Variants in SPANXN4 observed in about 807,000 individuals in gnomAD.
SPANXN4 encodes sperm protein associated with the nucleus on the X chromosome N4.
SPANXN4 carries 5 observed loss-of-function variants against 6.0 expected under a neutral mutation model. That is an observed-to-expected ratio of 0.83 (90% confidence interval 0.44 to 1.75). The LOEUF is 1.75. Ranked by LOEUF, SPANXN4 falls within the 40% of genes most tolerant of loss-of-function variation. SPANXN4 has a pLI of 0.02. For missense variants in SPANXN4, 157 were observed against 108.6 expected, an observed-to-expected ratio of 1.45 and a Z score of -1.98; for synonymous variants, 45 against 38.0, an observed-to-expected ratio of 1.19 and a Z score of -0.68.
intron 1 of SPANXN4, among the ~76,000 whole-genome samples, chrX:143,031,163 C>G (rs1932807477): frequency 9.0e-6 from 1 of 110,555 alleles, no homozygotes; most frequent in Non-Finnish European, 1.9e-5. Flanking sequence ...AGGGGTAGGG[C>G]ACTGAGGGAT....
chrX:143,035,324 T>C (rs1052665595), downstream of SPANXN4, among the ~76,000 whole-genome samples: 1 of 110,648 alleles, frequency 9.0e-6, no homozygotes, highest in African/African-American at 3.3e-5. Flanking sequence ...TGTATGAGTG[T>C]CAATACATGT....
At chrX:143,034,385 G>A (rs769925581) in intron 2 of SPANXN4, 74 bp downstream of exon 2, 6 of 1,048,879 alleles carry the variant, frequency 5.7e-6, no homozygotes, top group East Asian at 6.7e-5. Context: ...ATTTGAGAAC[G>A]GAGGGATATG....
At chrX:143,035,623 T>C (rs1402335232), downstream of SPANXN4, among the ~76,000 whole-genome samples, 1 of 110,904 alleles carries the variant, frequency 9.0e-6, no homozygotes, top group Non-Finnish European at 1.9e-5. Flanking sequence ...TGTTCAATGT[T>C]AGTATACAGA....
At chrX:143,034,632 C>T (rs1258534094) in exon 3 of SPANXN4, 2 of 1,163,253 alleles carry the variant, frequency 1.7e-6, no homozygotes, top group Admixed American at 5.2e-5. Flanking sequence ...TCAGAATCAC[C>T]ACCTTCAGGC....
chrX:143,027,123 G>C (rs1415566089), intron 1 of SPANXN4, among the ~76,000 whole-genome samples: 1 of 112,229 alleles, frequency 8.9e-6, no homozygotes, highest in Non-Finnish European at 1.9e-5. Flanking sequence ...AAAAGTTGTA[G>C]CTTATGGTGG....
intron 1 of SPANXN4, among the ~76,000 whole-genome samples, chrX:143,027,736 G>C (rs188071466): frequency 2.1e-4 from 23 of 110,613 alleles, no homozygotes; most frequent in African/African-American, 7.3e-4. Flanking sequence ...GAAGAAAGAC[G>C]GGAGGGAGTG....
At chrX:143,032,442 GAGA>G (rs1250922995) in intron 1 of SPANXN4, among the ~76,000 whole-genome samples, 5 of 110,079 alleles carry the variant, frequency 4.5e-5, no homozygotes, top group Non-Finnish European at 7.6e-5. Flanking sequence ...AGAGCCAAAG[GAGA>G]AGAAGGAGGA....
downstream of SPANXN4, among the ~76,000 whole-genome samples, chrX:143,037,502 T>C (rs771009097): frequency 5.4e-5 from 6 of 111,694 alleles, no homozygotes; most frequent in Non-Finnish European, 1.1e-4. Context: ...GTACTCAGAC[T>C]ATACTGTTGA....
At chrX:143,033,409 G>T (rs1219762708) in intron 1 of SPANXN4, among the ~76,000 whole-genome samples, 1 of 111,128 alleles carries the variant, frequency 9.0e-6, no homozygotes, top group East Asian at 2.9e-4. Flanking sequence ...GTTTTGAAGG[G>T]AAGGCAAGGG....
At chrX:143,027,878 A>C (rs999218674) in intron 1 of SPANXN4, among the ~76,000 whole-genome samples, 1 of 110,890 alleles carries the variant, frequency 9.0e-6, no homozygotes, top group African/African-American at 3.3e-5. Context: ...TAGGAGTGAA[A>C]TTTTGGAAGG....
At chrX:143,026,967 A>G (rs1178231814) in intron 1 of SPANXN4, among the ~76,000 whole-genome samples, 1 of 111,898 alleles carries the variant, frequency 8.9e-6, no homozygotes, top group African/African-American at 3.2e-5. Context: ...GACAGAAGCT[A>G]CTAAAGGAAA....
intron 1 of SPANXN4, among the ~76,000 whole-genome samples, chrX:143,033,001 G>A (rs760915190): frequency 5.4e-5 from 6 of 111,629 alleles, no homozygotes; most frequent in South Asian, 3.8e-4. Flanking sequence ...GGCAGGCTGC[G>A]GTCACCTGGT....
chrX:143,031,199 G>A (rs762415836), intron 1 of SPANXN4, among the ~76,000 whole-genome samples: 1 of 110,909 alleles, frequency 9.0e-6, no homozygotes, highest in Non-Finnish European at 1.9e-5. Context: ...GTGAAGGAGG[G>A]TGTTGAATAG....
exon 3 of SPANXN4, chrX:143,034,582 G>T: frequency 8.6e-7 from 1 of 1,165,602 alleles, no homozygotes; most frequent in Non-Finnish European, 1.1e-6. Flanking sequence ...GATCTGTATT[G>T]TATGTAGGTG....
chrX:143,032,644 C>CT (rs1932817547), intron 1 of SPANXN4, among the ~76,000 whole-genome samples: 1 of 110,787 alleles, frequency 9.0e-6, no homozygotes, highest in Admixed American at 9.6e-5. Flanking sequence ...ACTTTTGATC[C>CT]TTTACCATTG....
At chrX:143,034,389 GGATAT>G (rs1932832297) in intron 2 of SPANXN4, 78 bp downstream of exon 2, 1 of 1,052,979 alleles carries the variant, frequency 9.5e-7, no homozygotes, top group Admixed American at 3.6e-5. Flanking sequence ...GAGAACGGAG[GGATAT>G]GAGATCCTGT....
In SPANXN4 at chrX:143,034,517, G is replaced by GA; in HGVS notation, c.296dup (p.Asp100GlyfsTer24). 3 of 1,144,816 alleles carry GA rather than the reference G, an allele frequency of 2.6e-6. No homozygotes were observed. The highest frequency in any genetic ancestry group is 3.5e-6 in the Non-Finnish European group (3 of 863,571). The allele number at this position is 1,144,816 out of a possible 1,213,427, so 94.3% of individuals were successfully genotyped here. A position where few individuals can be genotyped will look rare whatever the true frequency, so the allele number is the denominator to read the frequency against. On this transcript the variant is annotated frameshift_variant, in exon 3 of 3. Coordinates refer to ENST00000370504, the Ensembl canonical transcript of SPANXN4. LOFTEE classifies it low-confidence loss of function (END_TRUNC). ...AAAATTTTATCTCACAGGAGAGGAA[G>GA]AAAAGGATTTGGTGTTCCTTGGAGC...
At chrX:143,034,201 C>T in exon 2 of SPANXN4, 1 of 1,179,056 alleles carries the variant, frequency 8.5e-7, no homozygotes, top group East Asian at 3.1e-5. Flanking sequence ...AGAAAGGAGA[C>T]CTAGACATAT....
intron 1 of SPANXN4, among the ~76,000 whole-genome samples, chrX:143,030,469 GAAGTTCAGC>G (rs370857388): frequency 2.3e-3 from 252 of 110,439 alleles, no homozygotes; most frequent in African/African-American, 8.1e-3. Context: ...AAATGAAGGG[GAAGTTCAGC>G]TAGGTCCTCG....
Sources: allele counts gnomAD v4.1 joint callset (sites outside exome capture counted in the v4.1 genomes callset), GRCh38; gene constraint gnomAD v4.1.1; transcripts MANE v1.5; gene names NCBI Gene and HGNC (gene_info 2026-07-23, HGNC 2026-07-21).